CFAP54: variants seen among roughly 807,000 people sequenced by gnomAD.
CFAP54 encodes cilia and flagella associated protein 54, also known as cilia- and flagella-associated protein 54.
In CFAP54, 290 loss-of-function variants were observed where a neutral mutation model predicts 370.4. The observed-to-expected ratio is 0.78, with a 90% CI of 0.71 to 0.86. CFAP54 has a LOEUF of 0.86. Among genes scored for constraint, CFAP54 ranks in the 40% least tolerant of loss-of-function variants. The pLI is 0.00. For synonymous variants in CFAP54, 1,206 were observed against 1,236.5 expected, an observed-to-expected ratio of 0.98 and a Z score of 0.52; for missense variants, 3,399 against 3,528.7, an observed-to-expected ratio of 0.96 and a Z score of 0.93.
Position 96,544,222 on chromosome 12 carries a change from A to G in CFAP54, c.2077+3235A>G. 9.7e-5 allele frequency among the ~76,000 whole-genome samples: 2 copies of G among 20,520 alleles called. 1 individual carries two copies. The highest frequency in any genetic ancestry group is 2.3e-4 in the Non-Finnish European group (2 of 8,688). The allele number at this position is 20,520 out of a possible 152,430, so 13.5% of individuals were successfully genotyped here. A position where few individuals can be genotyped will look rare whatever the true frequency, so the allele number is the denominator to read the frequency against. On this transcript the variant is annotated intron_variant, in intron 14 of 67. Transcript: ENST00000524981. Reference sequence around the variant, plus strand: ...TATTGTTGTCCGCAGTTCCTGGCTCATGACTCCCTAGTTCTTATTTCCTAA... The same window carrying G: ...TATTGTTGTCCGCAGTTCCTGGCTCGTGACTCCCTAGTTCTTATTTCCTAA...
chr12:96,822,101 G>T (rs1032655573), intron 65 of CFAP54, among the ~76,000 whole-genome samples: 15 of 152,152 alleles, frequency 9.9e-5, no homozygotes, highest in Admixed American at 8.5e-4. Flanking sequence ...CAGAACAGGT[G>T]TTCCAATCAC....
intron 66 of CFAP54, among the ~76,000 whole-genome samples, chr12:96,847,295 C>T (rs1592806951): frequency 6.6e-6 from 1 of 152,148 alleles, no homozygotes; most frequent in Non-Finnish European, 1.5e-5. Flanking sequence ...CAGCACTCTC[C>T]TGGTGAGCTG....
chr12:96,833,114 C>G (rs756315621), intron 66 of CFAP54, among the ~76,000 whole-genome samples: 1 of 152,126 alleles, frequency 6.6e-6, no homozygotes, highest in Non-Finnish European at 1.5e-5. Flanking sequence ...AGGAAGGGAA[C>G]GAGTGCCCCA....
chr12:96,603,377 C>T (rs1956265096), intron 26 of CFAP54, among the ~76,000 whole-genome samples: 1 of 152,260 alleles, frequency 6.6e-6, no homozygotes, highest in East Asian at 1.9e-4. Context: ...TTCTCTCTGG[C>T]TGCCCTTAAC....
intron 60 of CFAP54, among the ~76,000 whole-genome samples, chr12:96,776,738 T>G (rs1031242912): frequency 6.6e-6 from 1 of 152,222 alleles, no homozygotes; most frequent in Admixed American, 6.5e-5. Context: ...TTGAACTCTG[T>G]TATATCAAAA....
intron 46 of CFAP54, among the ~76,000 whole-genome samples, chr12:96,704,193 T>C (rs1010253325): frequency 5.9e-5 from 9 of 151,950 alleles, no homozygotes; most frequent in Non-Finnish European, 1.2e-4. Flanking sequence ...TTTGGGAGGC[T>C]GAGGCGGGCA....
chr12:96,761,352 TA>T (rs1958334663), intron 58 of CFAP54, among the ~76,000 whole-genome samples: 1 of 152,166 alleles, frequency 6.6e-6, no homozygotes, highest in African/African-American at 2.4e-5. Flanking sequence ...TTTTCTTTTT[TA>T]AAAATATATG....
At chr12:96,509,541 C>T (rs1955142431) in intron 4 of CFAP54, among the ~76,000 whole-genome samples, 1 of 152,110 alleles carries the variant, frequency 6.6e-6, no homozygotes, top group African/African-American at 2.4e-5. Flanking sequence ...TTAGGCTGCA[C>T]ACAGTGGCTC....
At chr12:96,813,718 A>G (rs1038634886) in intron 64 of CFAP54, among the ~76,000 whole-genome samples, 3 of 152,268 alleles carry the variant, frequency 2.0e-5, no homozygotes, top group South Asian at 2.1e-4. Flanking sequence ...TCTACTTACA[A>G]CTGGGTCCTG....
At position 96,540,832 on chromosome 12, in the gene CFAP54, T is replaced by G; in HGVS notation, c.1927-5T>G. ...TTAATTTTGCTGTGTATTTTCTCTT[T>G]TTAGTGGATTTATCTTCTGTGGCAG... On this transcript the variant is annotated splice_polypyrimidine_tract_variant and splice_region_variant and intron_variant, in intron 13 of 67. Transcript: ENST00000524981. The G allele has an allele frequency of 7.0e-7, 1 of 1,426,808 alleles. No individual in the cohort carries two copies. The highest frequency in any genetic ancestry group is 9.1e-7 in the Non-Finnish European group (1 of 1,095,240). 88.4% of individuals were successfully genotyped at this position (1,426,808 alleles called of 1,614,324 possible). A position where few individuals can be genotyped will look rare whatever the true frequency, so the allele number is the denominator to read the frequency against.
intron 10 of CFAP54, 26 bp from the exon 11 acceptor site, chr12:96,534,036 T>A: frequency 6.7e-7 from 1 of 1,502,740 alleles, no homozygotes; most frequent in Non-Finnish European, 8.8e-7. Flanking sequence ...AATTACTAAT[T>A]AACGTGTGGG....
chr12:96,644,813 G>A (rs1021290285), intron 33 of CFAP54, among the ~76,000 whole-genome samples: 1 of 152,146 alleles, frequency 6.6e-6, no homozygotes, highest in African/African-American at 2.4e-5. Flanking sequence ...ACCTCCACCT[G>A]GTCCTGCCCT....
chr12:96,731,868 C>T lies in CFAP54; in HGVS notation c.6966-8088C>T, dbSNP rs74951305. ...ATATGTGGTATTAAATTCTACATTG[C>T]AACAAACTTTAAAAAAAAAGATCAC... On this transcript the variant is annotated intron_variant, in intron 50 of 67. Coordinates refer to ENST00000524981, the MANE Select transcript of CFAP54 (RefSeq NM_001306084.2). 3.4e-3 allele frequency among the ~76,000 whole-genome samples: 523 copies of T among 151,850 alleles called. 3 individuals are homozygous for T. The highest frequency in any genetic ancestry group is 6.8e-3 in the Middle Eastern group (2 of 294).
chr12:96,562,397 A>G (rs193182016), intron 17 of CFAP54, among the ~76,000 whole-genome samples: 3 of 146,882 alleles, frequency 2.0e-5, no homozygotes, highest in Admixed American at 6.8e-5. Flanking sequence ...AATTTGATAC[A>G]TACTTGTGAC....
intron 48 of CFAP54, 67 bp from the exon 49 acceptor site, chr12:96,718,376 A>G (rs1423353781): frequency 3.7e-6 from 3 of 810,826 alleles, no homozygotes; most frequent in East Asian, 5.1e-5. Flanking sequence ...AATAAAATAA[A>G]CCTAGAATTA....
At chr12:96,828,584 T>G (rs936667332) in intron 65 of CFAP54, among the ~76,000 whole-genome samples, 1 of 152,100 alleles carries the variant, frequency 6.6e-6, no homozygotes, top group Admixed American at 6.6e-5. Flanking sequence ...GTGGATTGGG[T>G]GTCCACACAT....
intron 22 of CFAP54, among the ~76,000 whole-genome samples, chr12:96,583,862 A>G (rs1280091024): frequency 6.6e-6 from 1 of 152,212 alleles, no homozygotes; most frequent in Non-Finnish European, 1.5e-5. Context: ...TCTGCTCCTT[A>G]GAGAGCTCCT....
At chr12:96,615,384 T>C (rs908406231) in intron 26 of CFAP54, among the ~76,000 whole-genome samples, 13 of 152,164 alleles carry the variant, frequency 8.5e-5, no homozygotes, top group Non-Finnish European at 1.6e-4. Flanking sequence ...AAGACTTAAA[T>C]GTTAGACCTA....
Position 96,744,085 on chromosome 12 carries a change from G to A in CFAP54, c.7623G>A (p.Gln2541=), listed in dbSNP as rs1364604376. The part of the protein sequence containing the change: ...SSNTKYANPL[Q]PLKNIYLPHV... Reference sequence around the variant, plus strand: ...ACACTAAATATGCAAATCCATTACAGCCTTTGAAAAATATCTATCTTCCCC... The same window carrying A: ...ACACTAAATATGCAAATCCATTACAACCTTTGAAAAATATCTATCTTCCCC... The change falls in exon 55 of 68, where the codon CAG becomes CAA. Residue 2541 remains glutamine, a synonymous_variant. Transcript: ENST00000524981. 2 of 1,610,258 alleles carry A rather than the reference G, an allele frequency of 1.2e-6. No individual in the cohort carries two copies. The highest frequency in any genetic ancestry group is 1.7e-6 in the Non-Finnish European group (2 of 1,177,318).
Sources: gnomAD v4.1 joint callset for allele counts (sites outside exome capture counted in the v4.1 genomes callset) on GRCh38, gnomAD v4.1.1 for gene constraint, MANE v1.5 for transcripts, NCBI Gene and HGNC (gene_info 2026-07-23, HGNC 2026-07-21) for gene names.